The following CCBE1 variants were observed in gnomAD, a reference collection of about 807,000 sequenced individuals.
The protein encoded by CCBE1 is collagen and calcium binding EGF domains 1, also known as collagen and calcium-binding EGF domain-containing protein 1.
A neutral mutation model predicts 50.0 loss-of-function variants in CCBE1; 37 were observed. The observed-to-expected ratio is 0.74, with a 90% CI of 0.57 to 0.97. CCBE1 has a LOEUF of 0.97. Among genes scored for constraint, CCBE1 ranks in the 50% least tolerant of loss-of-function variants. The pLI is 0.00. For missense variants in CCBE1, 538 were observed against 523.8 expected, an observed-to-expected ratio of 1.03 and a Z score of -0.26; for synonymous variants, 234 against 203.7, an observed-to-expected ratio of 1.15 and a Z score of -1.27.
chr18:59,487,833 T>G (rs1912896905), intron 2 of CCBE1, among the ~76,000 whole-genome samples: 1 of 152,166 alleles, frequency 6.6e-6, no homozygotes, highest in Non-Finnish European at 1.5e-5. Context: ...ATCCAGTAAC[T>G]CCACTAATGG....
intron 2 of CCBE1, among the ~76,000 whole-genome samples, chr18:59,527,428 A>G (rs1171102815): frequency 6.6e-6 from 1 of 152,130 alleles, no homozygotes; most frequent in African/African-American, 2.4e-5. Context: ...CAGCACACTA[A>G]TGGGTCTTGA....
intron 2 of CCBE1, among the ~76,000 whole-genome samples, chr18:59,562,429 C>T (rs1233950375): frequency 6.6e-6 from 1 of 152,178 alleles, no homozygotes; most frequent in Non-Finnish European, 1.5e-5. Context: ...CAACCAGCTG[C>T]ACAGAGAGAG....
intron 6 of CCBE1, among the ~76,000 whole-genome samples, chr18:59,453,572 C>T (rs558104057): frequency 5.9e-5 from 9 of 152,294 alleles, no homozygotes; most frequent in African/African-American, 1.7e-4. Flanking sequence ...TCTTCTCAGC[C>T]TGTTGATCTA....
At chr18:59,457,801 A>G (rs965157113) in intron 5 of CCBE1, among the ~76,000 whole-genome samples, 20 of 152,224 alleles carry the variant, frequency 1.3e-4, no homozygotes, top group Non-Finnish European at 2.8e-4. Context: ...CCCCTGTTCA[A>G]TGTACCAATT....
intron 2 of CCBE1, among the ~76,000 whole-genome samples, chr18:59,692,030 A>T (rs898678432): frequency 2.0e-5 from 3 of 152,102 alleles, no homozygotes; most frequent in African/African-American, 7.2e-5. Flanking sequence ...AAACAAAGAT[A>T]CTCTAATTTC....
chr18:59,530,965 G>A (rs1200186251), intron 2 of CCBE1, among the ~76,000 whole-genome samples: 1 of 152,092 alleles, frequency 6.6e-6, no homozygotes, highest in Non-Finnish European at 1.5e-5. Flanking sequence ...GATGTTTTAT[G>A]ACAATGAGCA....
intron 2 of CCBE1, among the ~76,000 whole-genome samples, chr18:59,485,584 ATATTTATT>A (rs60888501): frequency 8.0e-4 from 113 of 140,880 alleles, no homozygotes; most frequent in South Asian, 6.7e-3. Flanking sequence ...GATATATCAG[ATATTTATT>A]TATTTATTTA....
At chr18:59,491,339 A>T (rs1913086657) in intron 2 of CCBE1, among the ~76,000 whole-genome samples, 1 of 152,088 alleles carries the variant, frequency 6.6e-6, no homozygotes, top group Admixed American at 6.5e-5. Flanking sequence ...CCTTCCTCAC[A>T]GGGTGGATCC....
At chr18:59,650,861 G>C in intron 2 of CCBE1, among the ~76,000 whole-genome samples, 1 of 151,428 alleles carries the variant, frequency 6.6e-6, no homozygotes, top group South Asian at 2.1e-4. Flanking sequence ...GCAGAAGCAG[G>C]AACAGATGAG....
chr18:59,675,649 T>C (rs2054491235), intron 2 of CCBE1, among the ~76,000 whole-genome samples: 1 of 152,126 alleles, frequency 6.6e-6, no homozygotes, highest in Admixed American at 6.6e-5. Flanking sequence ...CCCCACAACA[T>C]TCAGGAGATG....
chr18:59,483,624 T>C (rs1426481563), intron 2 of CCBE1, among the ~76,000 whole-genome samples: 2 of 152,226 alleles, frequency 1.3e-5, no homozygotes, highest in Non-Finnish European at 2.9e-5. Context: ...ATTAGTTTTA[T>C]GTGAAATTTA....
intron 7 of CCBE1, among the ~76,000 whole-genome samples, chr18:59,441,483 C>CA (rs34080571): frequency 0.15 from 19,488 of 129,880 alleles, 1,511 homozygotes; most frequent in Middle Eastern, 0.28. Flanking sequence ...GACTCCATCT[C>CA]AAAAAAAAAA....
chr18:59,681,990 T>TC (rs1415356349), intron 2 of CCBE1, among the ~76,000 whole-genome samples: 1 of 152,120 alleles, frequency 6.6e-6, no homozygotes, highest in Non-Finnish European at 1.5e-5. Context: ...CCCCATCCCC[T>TC]CCTCTGAGGT....
chr18:59,561,865 G>A (rs1273621483), intron 2 of CCBE1, among the ~76,000 whole-genome samples: 1 of 152,172 alleles, frequency 6.6e-6, no homozygotes, highest in Non-Finnish European at 1.5e-5. Context: ...TGGTGTGAGA[G>A]TAAGCTCCTG....
In CCBE1 at chr18:59,442,153, G is replaced by A. The variant is rs138473192; in HGVS notation, c.776-2337C>T. Reference sequence around the variant, plus strand: ...CCAAAAACATTTTAACATCTCCCCCGTCGTACCAACAACTATCATCAGACA... The same window carrying A: ...CCAAAAACATTTTAACATCTCCCCCATCGTACCAACAACTATCATCAGACA... On this transcript the variant is annotated intron_variant, in intron 7 of 10. Coordinates refer to ENST00000439986, the MANE Select transcript of CCBE1 (RefSeq NM_133459.4). 1.6e-4 allele frequency among the ~76,000 whole-genome samples: 25 copies of A among 152,044 alleles called. No individual in the cohort carries two copies. In the South Asian group the frequency reaches 4.8e-3, roughly 29 times the overall value.
At chr18:59,663,718 C>T (rs1034895196) in intron 2 of CCBE1, among the ~76,000 whole-genome samples, 1 of 152,030 alleles carries the variant, frequency 6.6e-6, no homozygotes, top group African/African-American at 2.4e-5. Context: ...TTATTCAGGG[C>T]AAGAGATAAG....
At chr18:59,462,422 T>G (rs1911529706) in intron 5 of CCBE1, 1 of 152,152 alleles carries the variant, frequency 6.6e-6, no homozygotes, top group African/African-American at 2.4e-5. Context: ...TCTTTTTTTT[T>G]TGAGACAGGG....
At chr18:59,547,486 G>A (rs1362945181) in intron 2 of CCBE1, among the ~76,000 whole-genome samples, 1 of 152,138 alleles carries the variant, frequency 6.6e-6, no homozygotes, top group African/African-American at 2.4e-5. Flanking sequence ...GGAGAGGGCA[G>A]CTTTGAAGAT....
intron 2 of CCBE1, among the ~76,000 whole-genome samples, chr18:59,565,962 A>T (rs1474903098): frequency 6.6e-6 from 1 of 151,982 alleles, no homozygotes; most frequent in East Asian, 1.9e-4. Flanking sequence ...ATTGCCAAAG[A>T]CCCCGAGTCA....
Sources: gnomAD v4.1 joint callset for allele counts (sites outside exome capture counted in the v4.1 genomes callset) on GRCh38, gnomAD v4.1.1 for gene constraint, MANE v1.5 for transcripts, NCBI Gene and HGNC (gene_info 2026-07-23, HGNC 2026-07-21) for gene names.